TMEM108: variants seen among roughly 807,000 people sequenced by gnomAD.
TMEM108 encodes the protein transmembrane protein 108.
TMEM108 carries 12 observed loss-of-function variants against 35.1 expected under a neutral mutation model. That is an observed-to-expected ratio of 0.34 (90% confidence interval 0.22 to 0.55). TMEM108 has a LOEUF of 0.55. Among genes scored for constraint, TMEM108 ranks in the 20% least tolerant of loss-of-function variants. The pLI, the probability that TMEM108 is intolerant of heterozygous loss-of-function variation, is 0.89. For missense variants in TMEM108, 680 were observed against 753.3 expected (o/e 0.90, Z 1.14); for synonymous variants, 287 against 308.6 (o/e 0.93, Z 0.73).
intron 2 of TMEM108, among the ~76,000 whole-genome samples, chr3:133,214,073 G>C (rs1414544740): frequency 6.6e-6 from 1 of 152,152 alleles, no homozygotes; most frequent in Non-Finnish European, 1.5e-5. Flanking sequence ...GGCCCAGTTT[G>C]TCTTGCATTC....
chr3:133,254,296 G>A (rs1286802552), intron 3 of TMEM108, among the ~76,000 whole-genome samples: 1 of 152,138 alleles, frequency 6.6e-6, no homozygotes, highest in Non-Finnish European at 1.5e-5. Flanking sequence ...TCTTAGTGGA[G>A]AAAAAAATAG....
intron 2 of TMEM108, among the ~76,000 whole-genome samples, chr3:133,198,186 G>T (rs1945607448): frequency 6.6e-6 from 1 of 152,138 alleles, no homozygotes; most frequent in African/African-American, 2.4e-5. Context: ...CGTATAACTT[G>T]TTTTTATCAC....
intron 3 of TMEM108, among the ~76,000 whole-genome samples, chr3:133,278,782 A>C (rs1344766281): frequency 1.3e-5 from 2 of 152,216 alleles, no homozygotes; most frequent in East Asian, 3.8e-4. Flanking sequence ...GTAAACTGTA[A>C]GGGGCTATGT....
intron 2 of TMEM108, among the ~76,000 whole-genome samples, chr3:133,206,555 C>CT (rs1945757503): frequency 2.0e-5 from 3 of 152,208 alleles, no homozygotes; most frequent in Admixed American, 2.0e-4. Flanking sequence ...AAGAGTCAGG[C>CT]CCCTCTGCTG....
intron 2 of TMEM108, among the ~76,000 whole-genome samples, chr3:133,170,097 A>C (rs893666453): frequency 6.6e-6 from 1 of 152,158 alleles, no homozygotes; most frequent in African/African-American, 2.4e-5. Context: ...TTAAAACTTC[A>C]TGGTAAGAGA....
At chr3:133,076,277 T>A (rs954001562) in intron 2 of TMEM108, among the ~76,000 whole-genome samples, 1 of 150,686 alleles carries the variant, frequency 6.6e-6, no homozygotes, top group Admixed American at 6.6e-5. Context: ...TAATAACCCC[T>A]TCTGTGTGTC....
rs1321292039 is a variant in TMEM108 at position 133,137,758 on chromosome 3, C to G, written c.-46-91508C>G. Among the ~76,000 whole-genome samples the G allele has an allele frequency of 2.0e-5, 3 of 152,042 alleles. 1 individual carries two copies. In the South Asian group the frequency reaches 6.2e-4, roughly 32 times the overall value. On this transcript the variant is annotated intron_variant, in intron 2 of 5. Transcript: ENST00000321871. ...AATTGACTAAAGGCTACGGATGGGC[C>G]AAATGGGACAGCCAAGGATGGGACA...
At chr3:133,124,869 TG>T (rs1944395577) in intron 2 of TMEM108, 1 of 152,140 alleles carries the variant, frequency 6.6e-6, no homozygotes, top group Non-Finnish European at 1.5e-5. Context: ...TGCTCAGGAA[TG>T]GGAACCCAGA....
chr3:133,285,065 A>G (rs1946965625), intron 3 of TMEM108, among the ~76,000 whole-genome samples: 1 of 151,940 alleles, frequency 6.6e-6, no homozygotes, highest in African/African-American at 2.4e-5. Context: ...GAGCATCATA[A>G]ATTTGTTTTA....
intron 2 of TMEM108, among the ~76,000 whole-genome samples, chr3:133,109,282 C>T (rs1944197426): frequency 1.3e-5 from 2 of 152,118 alleles, no homozygotes; most frequent in South Asian, 4.1e-4. Flanking sequence ...AAGGTTCATT[C>T]TAATTACAAT....
intron 3 of TMEM108, among the ~76,000 whole-genome samples, chr3:133,240,619 T>A (rs11711460): frequency 0.32 from 48,442 of 152,084 alleles, 8,516 homozygotes; most frequent in East Asian, 0.47. Context: ...TATAGGAAAG[T>A]ATTTTTGCTA....
intron 3 of TMEM108, among the ~76,000 whole-genome samples, chr3:133,312,872 C>T (rs1255966215): frequency 6.6e-6 from 1 of 152,048 alleles, no homozygotes; most frequent in Non-Finnish European, 1.5e-5. Flanking sequence ...ACGGAACCCT[C>T]CCTCCTTCAT....
chr3:133,362,572 G>T (rs773159147), intron 3 of TMEM108, among the ~76,000 whole-genome samples: 3 of 152,158 alleles, frequency 2.0e-5, no homozygotes, highest in Non-Finnish European at 4.4e-5. Context: ...TTTGGTAGGA[G>T]CCCAAAATAA....
chr3:133,157,237 C>T (rs1404282941), intron 2 of TMEM108, among the ~76,000 whole-genome samples: 2 of 152,128 alleles, frequency 1.3e-5, no homozygotes, highest in African/African-American at 2.4e-5. Context: ...GTCTTTTTCT[C>T]TTCTTTTCTG....
chr3:133,038,778 G>C (rs976200327), intron 1 of TMEM108, among the ~76,000 whole-genome samples: 2 of 152,206 alleles, frequency 1.3e-5, no homozygotes, highest in Admixed American at 1.3e-4. Context: ...CTGGACCTGG[G>C]CTGGGGCCGA....
At chr3:133,303,476 T>A (rs1261326758) in intron 3 of TMEM108, 1 of 152,160 alleles carries the variant, frequency 6.6e-6, no homozygotes, top group East Asian at 1.9e-4. Flanking sequence ...GTGTAGAAAA[T>A]CAGTGTGATT....
chr3:133,243,535 G>T (rs1258823889), intron 3 of TMEM108, among the ~76,000 whole-genome samples: 17 of 126,248 alleles, frequency 1.3e-4, no homozygotes, highest in East Asian at 5.6e-4. Context: ...GGCGGGGGGT[G>T]GGGGGGACGG....
intron 3 of TMEM108, among the ~76,000 whole-genome samples, chr3:133,337,187 A>T (rs1218090973): frequency 6.6e-6 from 1 of 152,050 alleles, no homozygotes; most frequent in Non-Finnish European, 1.5e-5. Flanking sequence ...TGATCAAAGA[A>T]CCCCAGGACC....
intron 3 of TMEM108, among the ~76,000 whole-genome samples, chr3:133,280,034 A>G (rs1483220434): frequency 6.6e-6 from 1 of 152,212 alleles, no homozygotes. Context: ...TAAATGTGGC[A>G]TGAAGGAAGC....
Sources: allele counts gnomAD v4.1 joint callset (sites outside exome capture counted in the v4.1 genomes callset), GRCh38; gene constraint gnomAD v4.1.1; transcripts MANE v1.5; gene names NCBI Gene and HGNC (gene_info 2026-07-23, HGNC 2026-07-21).